The following RAPGEF2 variants were observed in gnomAD, a reference collection of about 807,000 sequenced individuals.
RAPGEF2 encodes PDZ domain containing guanine nucleotide exchange factor (GEF) 1.
Under a neutral mutation model 186.7 loss-of-function variants are expected in RAPGEF2, and 54 were observed. That is an observed-to-expected ratio of 0.29 (90% CI 0.23 to 0.36). The LOEUF (loss-of-function observed/expected upper bound fraction) is 0.36. Among genes scored for constraint, RAPGEF2 ranks in the 10% least tolerant of loss-of-function variants. The pLI, the probability that RAPGEF2 is intolerant of heterozygous loss-of-function variation, is 1.00. For missense variants in RAPGEF2, 1,532 were observed against 2,045.0 expected (o/e 0.75, Z 4.84); for synonymous variants, 712 against 705.9 (o/e 1.01, Z -0.14).
chr4:159,123,813 T>A (rs1396868349), intron 1 of RAPGEF2, among the ~76,000 whole-genome samples: 1 of 149,070 alleles, frequency 6.7e-6, no homozygotes, highest in Admixed American at 6.7e-5. Context: ...CCACCTCGCC[T>A]GGCTGGATTT....
At chr4:159,351,245 AT>A in intron 26 of RAPGEF2, 1 of 1,449,250 alleles carries the variant, frequency 6.9e-7, no homozygotes, top group Non-Finnish European at 9.2e-7. Context: ...GTTAATGAAA[AT>A]GGGAGAATTC....
intron 1 of RAPGEF2, among the ~76,000 whole-genome samples, chr4:159,174,172 A>ACG (rs1746207665): frequency 6.6e-6 from 1 of 152,224 alleles, no homozygotes; most frequent in Non-Finnish European, 1.5e-5. Context: ...AAACTTGCTT[A>ACG]CGGGATCATT....
intron 7 of RAPGEF2, among the ~76,000 whole-genome samples, chr4:159,251,301 AG>A (rs1755349800): frequency 6.6e-6 from 1 of 152,216 alleles, no homozygotes; most frequent in Admixed American, 6.5e-5. Flanking sequence ...CGACTGCCCA[AG>A]GGCTGAGGAG....
intron 7 of RAPGEF2, among the ~76,000 whole-genome samples, chr4:159,300,020 T>G (rs967507194): frequency 5.3e-5 from 8 of 151,892 alleles, no homozygotes; most frequent in African/African-American, 1.4e-4. Context: ...ATTTATTCAG[T>G]CCACACAACA....
intron 4 of RAPGEF2, among the ~76,000 whole-genome samples, chr4:159,219,257 T>TCCCCG (rs1751274834): frequency 1.3e-5 from 2 of 151,978 alleles, no homozygotes; most frequent in Non-Finnish European, 2.9e-5. Context: ...GTAGATAGTT[T>TCCCCG]ATCAAGAATG....
intron 1 of RAPGEF2, among the ~76,000 whole-genome samples, chr4:159,173,065 A>G (rs1579369919): frequency 6.6e-6 from 1 of 152,120 alleles, no homozygotes; most frequent in Non-Finnish European, 1.5e-5. Context: ...ACATATGTCG[A>G]ATATTCTCAT....
At chr4:159,118,036 T>G (rs1296690019) in intron 1 of RAPGEF2, among the ~76,000 whole-genome samples, 1 of 152,088 alleles carries the variant, frequency 6.6e-6, no homozygotes, top group Non-Finnish European at 1.5e-5. Context: ...CCTATAATTG[T>G]GAAGATTAAA....
At chr4:159,292,799 A>C (rs1255907253) in intron 7 of RAPGEF2, among the ~76,000 whole-genome samples, 2 of 152,166 alleles carry the variant, frequency 1.3e-5, no homozygotes, top group Non-Finnish European at 2.9e-5. Context: ...GAAACCTTAT[A>C]GTTTCATCAT....
In RAPGEF2 at chr4:159,353,846, G is replaced by A. The variant is rs764931513; in HGVS notation, c.4451G>A (p.Arg1484Gln). The change falls in exon 28 of 30, where the codon CGA becomes CAA. Residue 1484 changes from arginine to glutamine, a missense_variant. Around this residue, in one of 4 missense-constraint regions of RAPGEF2, gnomAD observed 594 missense variants for 608.5 expected, o/e 0.98. Coordinates refer to ENST00000691494, the MANE Select transcript of RAPGEF2 (RefSeq NM_001394067.2). This position sits in a 1 kb window ranked among gnomAD's most constrained non-coding sequence, Gnocchi z 4.3. ...SRESLEQAQSRASWASSTGYW... is the reference protein window; with the variant it reads ...SRESLEQAQSQASWASSTGYW... ...GAGAGCCTTGAACAAGCCCAGTCCC[G>A]AGCAAGCTGGGCGTCTTCCACAGGT... 1.9e-5 allele frequency: 31 copies of A among 1,614,182 alleles called. 2 individuals are homozygous for A. Among genetic ancestry groups the A allele is most frequent in the South Asian group, 1.2e-4 (11 of 91,078 alleles).
At chr4:159,236,116 T>C (rs1482844488) in intron 4 of RAPGEF2, among the ~76,000 whole-genome samples, 2 of 152,362 alleles carry the variant, frequency 1.3e-5, no homozygotes, top group Admixed American at 6.5e-5. Flanking sequence ...GCTTTTTCCA[T>C]TCAGCTTATT....
At chr4:159,209,344 T>C (rs1256230947) in intron 3 of RAPGEF2, among the ~76,000 whole-genome samples, 1 of 151,974 alleles carries the variant, frequency 6.6e-6, no homozygotes, top group Admixed American at 6.5e-5. Context: ...AACTGAGATA[T>C]CATTTTCACC....
chr4:159,338,428 G>T lies in RAPGEF2; in HGVS notation c.2253G>T (p.Leu751Phe). 1 of 1,614,062 alleles carries T rather than the reference G, an allele frequency of 6.2e-7. No individual in the cohort carries two copies. The highest frequency in any genetic ancestry group is 8.5e-7 in the Non-Finnish European group (1 of 1,179,936). Reference sequence around the variant, plus strand: ...TATCATCCAGTAATCCTGATTTATTGCAGTCACATCATCGCATTTTAGACT... The same window carrying T: ...TATCATCCAGTAATCCTGATTTATTTCAGTCACATCATCGCATTTTAGACT... ...GTLSSSNPDL[L>F]QSHHRILDFS... The change falls in exon 18 of 30, where the codon TTG (leucine) becomes TTT (phenylalanine). Residue 751 changes from leucine (L) to phenylalanine (F), a missense_variant. Transcript: ENST00000691494.
At chr4:159,330,904 ACT>A (rs1168046093) in intron 13 of RAPGEF2, among the ~76,000 whole-genome samples, 2 of 152,084 alleles carry the variant, frequency 1.3e-5, no homozygotes, top group Non-Finnish European at 2.9e-5. Context: ...GACAGTCATC[ACT>A]CTCTGTAGGC....
intron 3 of RAPGEF2, among the ~76,000 whole-genome samples, chr4:159,202,335 A>G (rs1042560781): frequency 1.3e-5 from 2 of 152,086 alleles, no homozygotes; most frequent in African/African-American, 4.8e-5. Context: ...ATATTTTGTC[A>G]GGATCATCTG....
At chr4:159,160,363 A>G (rs1744576353) in intron 1 of RAPGEF2, among the ~76,000 whole-genome samples, 1 of 152,238 alleles carries the variant, frequency 6.6e-6, no homozygotes, top group South Asian at 2.1e-4. Context: ...GTTTTCTCAC[A>G]TTATACAGAT....
At chr4:159,333,097 A>C (rs1766920847) in intron 17 of RAPGEF2, among the ~76,000 whole-genome samples, 1 of 151,956 alleles carries the variant, frequency 6.6e-6, no homozygotes, top group African/African-American at 2.4e-5. Context: ...CTCCTGCTTC[A>C]GTCTCCCGAG....
At chr4:159,145,481 C>T (rs1041101395) in intron 1 of RAPGEF2, among the ~76,000 whole-genome samples, 1 of 151,724 alleles carries the variant, frequency 6.6e-6, no homozygotes, top group East Asian at 1.9e-4. Context: ...AAAAACATTG[C>T]CAAAACATTG....
chr4:159,124,407 C>T (rs1740055136), intron 1 of RAPGEF2, among the ~76,000 whole-genome samples: 2 of 151,860 alleles, frequency 1.3e-5, no homozygotes, highest in South Asian at 2.1e-4. Context: ...AGCATGGTGG[C>T]ACGCGCCTGT....
At chr4:159,124,558 T>C (rs892068743) in intron 1 of RAPGEF2, among the ~76,000 whole-genome samples, 2 of 152,074 alleles carry the variant, frequency 1.3e-5, no homozygotes, top group Non-Finnish European at 2.9e-5. Context: ...AAAAATTTAA[T>C]AAGTCTTCTG....
Sources: allele counts gnomAD v4.1 joint callset (sites outside exome capture counted in the v4.1 genomes callset), GRCh38; gene constraint gnomAD v4.1.1; regional missense constraint gnomAD v4.1.1; non-coding constraint Gnocchi (gnomAD v3.1); transcripts MANE v1.5; gene names NCBI Gene and HGNC (gene_info 2026-07-23, HGNC 2026-07-21).